COG5: variants seen among roughly 807,000 people sequenced by gnomAD.
COG5 encodes the protein conserved oligomeric Golgi complex subunit 5.
COG5 carries 86 observed loss-of-function variants against 110.4 expected under a neutral mutation model. The ratio of observed to expected loss-of-function variants is 0.78; its 90% CI spans 0.65 to 0.93. COG5 has a LOEUF of 0.93. Ranked by LOEUF, COG5 falls within the 40% of genes least tolerant of loss-of-function variation. The probability of loss-of-function intolerance (pLI) is 0.00; values close to 1 mark genes in which losing one functional copy is unlikely to be tolerated. For synonymous variants in COG5, 360 were observed against 334.6 expected (o/e 1.08, Z -0.83); for missense variants, 1,077 against 987.0 (o/e 1.09, Z -1.22).
At position 107,385,805 on chromosome 7, in the gene COG5, CTTT is replaced by C. The variant is rs57758483; in HGVS notation, c.670-13048_670-13046del. Among the ~76,000 whole-genome samples the C allele has an allele frequency of 2.6e-3, 318 of 122,278 alleles. 2 individuals are homozygous for C. The highest frequency in any genetic ancestry group is 8.8e-3 in the African/African-American group (293 of 33,198). The allele number at this position is 122,278 out of a possible 152,430, so 80.2% of individuals were successfully genotyped here. On this transcript the variant is annotated intron_variant, in intron 7 of 21. Transcript: ENST00000297135. ...CATCCTTGCCAACGCTTGTTATTTT[CTTT>C]TTTTTTTTTTTTTTTGATGGACACC...
At chr7:107,497,036 T>G (rs1467948915) in intron 6 of COG5, among the ~76,000 whole-genome samples, 1 of 151,650 alleles carries the variant, frequency 6.6e-6, no homozygotes, top group Admixed American at 6.6e-5. Context: ...ATAGCGAGAC[T>G]CCATCTCTAC....
chr7:107,363,849 G>A (rs558900947), intron 8 of COG5, among the ~76,000 whole-genome samples: 17 of 152,048 alleles, frequency 1.1e-4, no homozygotes, highest in Admixed American at 8.5e-4. Flanking sequence ...TAGCTACTCG[G>A]GAGGCTGAGG....
intron 6 of COG5, among the ~76,000 whole-genome samples, chr7:107,522,827 T>C (rs189984699): frequency 6.6e-6 from 1 of 152,162 alleles, no homozygotes; most frequent in African/African-American, 2.4e-5. Context: ...CTCTACTAAA[T>C]GTGTCAAAAA....
chr7:107,483,433 T>C (rs552019271), intron 6 of COG5, among the ~76,000 whole-genome samples: 2 of 152,132 alleles, frequency 1.3e-5, no homozygotes, highest in Non-Finnish European at 2.9e-5. Context: ...AGGCTGGGCA[T>C]GGTGGCACAT....
intron 19 of COG5, among the ~76,000 whole-genome samples, chr7:107,216,208 G>A (rs1317026028): frequency 6.6e-6 from 1 of 152,182 alleles, no homozygotes; most frequent in African/African-American, 2.4e-5. Flanking sequence ...TATAACAACT[G>A]TAAATATATC....
rs549428118 is a variant in COG5 at position 107,435,133 on chromosome 7, G to A, written c.539-22501C>T. Among the ~76,000 whole-genome samples the A allele has an allele frequency of 3.3e-5, 5 of 152,282 alleles. No individual in the cohort carries two copies. In the South Asian group the frequency reaches 1.0e-3, roughly 32 times the overall value. ...ACTCATAGAAACAGAAAGTAGAATGGTGGTTGCCAGCAGGTGGGGGAGAGG... is the reference window on the plus strand; with the variant it reads ...ACTCATAGAAACAGAAAGTAGAATGATGGTTGCCAGCAGGTGGGGGAGAGG... On this transcript the variant is annotated intron_variant, in intron 6 of 21. Coordinates refer to ENST00000297135, the MANE Select transcript of COG5 (RefSeq NM_006348.5).
At chr7:107,339,484 A>T (rs916782354) in intron 10 of COG5, among the ~76,000 whole-genome samples, 3 of 152,036 alleles carry the variant, frequency 2.0e-5, no homozygotes, top group African/African-American at 7.2e-5. Flanking sequence ...AAAACTAACA[A>T]AGAAATTCTG....
chr7:107,515,051 G>T (rs571681533), intron 6 of COG5, among the ~76,000 whole-genome samples: 1 of 151,816 alleles, frequency 6.6e-6, no homozygotes, highest in Non-Finnish European at 1.5e-5. Flanking sequence ...CAAGCTACAG[G>T]GCTTATGTAT....
rs138921870 is a variant in COG5 at position 107,528,909 on chromosome 7, C to G, written c.418-1552G>C. Among the ~76,000 whole-genome samples, 241 of 151,310 alleles carry G rather than the reference C, an allele frequency of 1.6e-3. 1 individual carries two copies. The highest frequency in any genetic ancestry group is 5.5e-3 in the African/African-American group (227 of 41,124). On this transcript the variant is annotated intron_variant, in intron 5 of 21. Transcript: ENST00000297135. ...CAATACACCGTATGTATGCATACAC[C>G]ATACTCAAACATAAAACAAACATAT...
chr7:107,203,372 A>C lies in COG5; in HGVS notation c.*144T>G. On this transcript the variant is annotated 3_prime_UTR_variant, in exon 22 of 22. Transcript: ENST00000297135. ...TTATGCTAAAGTATAAGTGCTAAAGAGGTAAATAAACGTCGATAGGAAATA... is the reference window on the plus strand; with the variant it reads ...TTATGCTAAAGTATAAGTGCTAAAGCGGTAAATAAACGTCGATAGGAAATA... 2.9e-6 allele frequency: 2 copies of C among 697,504 alleles called. No homozygotes were observed. The highest frequency in any genetic ancestry group is 5.2e-6 in the Non-Finnish European group (2 of 382,776). The allele number at this position is 697,504 out of a possible 1,614,324, so 43.2% of individuals were successfully genotyped here. A position where few individuals can be genotyped will look rare whatever the true frequency, so the allele number is the denominator to read the frequency against.
chr7:107,529,940 A>G (rs1365140929), intron 5 of COG5, among the ~76,000 whole-genome samples: 1 of 152,168 alleles, frequency 6.6e-6, no homozygotes, highest in Admixed American at 6.5e-5. Context: ...TAGAACTGAC[A>G]TTTTTAGATA....
chr7:107,311,703 C>T (rs1011707676), intron 11 of COG5, among the ~76,000 whole-genome samples: 4 of 151,970 alleles, frequency 2.6e-5, no homozygotes, highest in Non-Finnish European at 5.9e-5. Context: ...ACATTTTTTT[C>T]CCTATAGAGT....
chr7:107,223,268 C>A (rs922312381), intron 19 of COG5, among the ~76,000 whole-genome samples: 5 of 152,166 alleles, frequency 3.3e-5, no homozygotes, highest in Admixed American at 3.3e-4. Context: ...ATGAGGGCCT[C>A]TGAGAGAGAA....
chr7:107,489,195 A>G (rs992985928), intron 6 of COG5, among the ~76,000 whole-genome samples: 3 of 152,196 alleles, frequency 2.0e-5, no homozygotes, highest in Admixed American at 1.3e-4. Flanking sequence ...TAATGTCCTT[A>G]AATGTTCTCT....
At chr7:107,379,370 G>A (rs1459212092) in intron 7 of COG5, among the ~76,000 whole-genome samples, 2 of 152,052 alleles carry the variant, frequency 1.3e-5, no homozygotes, top group Admixed American at 1.3e-4. Flanking sequence ...CAATTAACAG[G>A]TAAAATAACC....
At chr7:107,426,524 C>G (rs1038825702) in intron 6 of COG5, among the ~76,000 whole-genome samples, 3 of 152,126 alleles carry the variant, frequency 2.0e-5, no homozygotes, top group Non-Finnish European at 4.4e-5. Context: ...GGTAAGGTCT[C>G]TCTTCTGGGC....
At chr7:107,388,420 C>T (rs1195960538) in intron 7 of COG5, among the ~76,000 whole-genome samples, 2 of 152,190 alleles carry the variant, frequency 1.3e-5, no homozygotes, top group Non-Finnish European at 2.9e-5. Context: ...TGCCAGCTCA[C>T]AATTTCAACA....
At chr7:107,535,284 G>A (rs185496129) in intron 5 of COG5, among the ~76,000 whole-genome samples, 16 of 151,342 alleles carry the variant, frequency 1.1e-4, no homozygotes, top group Admixed American at 7.2e-4. Context: ...GCAAACAAAT[G>A]CAAAATCTAG....
intron 10 of COG5, among the ~76,000 whole-genome samples, chr7:107,353,948 T>C (rs1370866829): frequency 1.3e-5 from 2 of 152,122 alleles, no homozygotes; most frequent in Admixed American, 6.5e-5. Context: ...GAAATCAAAA[T>C]CTTAGCAAAA....
Sources: allele counts gnomAD v4.1 joint callset (sites outside exome capture counted in the v4.1 genomes callset), GRCh38; gene constraint gnomAD v4.1.1; transcripts MANE v1.5; gene names NCBI Gene and HGNC (gene_info 2026-07-23, HGNC 2026-07-21).